Variants in CNTNAP3 observed in about 807,000 individuals in gnomAD.
CNTNAP3 encodes the protein contactin associated protein family member 3.
In CNTNAP3, 36 loss-of-function variants were observed where a neutral mutation model predicts 92.1. The ratio of observed to expected loss-of-function variants is 0.39; its 90% CI spans 0.30 to 0.52. The LOEUF (loss-of-function observed/expected upper bound fraction) is 0.52. CNTNAP3 is among the 20% of genes least tolerant of loss of function. CNTNAP3 has a pLI of 0.76. For synonymous variants in CNTNAP3, 232 were observed against 422.3 expected (o/e 0.55, Z 5.53); for missense variants, 534 against 1,069.6 (o/e 0.50, Z 6.98).
chr9:39,083,983 TA>T, intron 21 of CNTNAP3, among the ~76,000 whole-genome samples: 1 of 151,506 alleles, frequency 6.6e-6, no homozygotes, highest in Non-Finnish European at 1.5e-5. Flanking sequence ...GCATCTTAAT[TA>T]TGATGGATTT....
intron 14 of CNTNAP3, among the ~76,000 whole-genome samples, chr9:39,113,598 A>G (rs555247206): frequency 6.6e-6 from 1 of 152,076 alleles, no homozygotes; most frequent in East Asian, 1.9e-4. Flanking sequence ...CAAACTTTTT[A>G]TCACTTACAT....
intron 13 of CNTNAP3, among the ~76,000 whole-genome samples, chr9:39,131,418 C>T (rs1367851253): frequency 6.6e-6 from 1 of 152,132 alleles, no homozygotes; most frequent in Non-Finnish European, 1.5e-5. Flanking sequence ...TGCAACCAGA[C>T]CTTTGCTCTT....
At chr9:39,074,977 C>G (rs1039460789) in intron 23 of CNTNAP3, among the ~76,000 whole-genome samples, 1 of 152,284 alleles carries the variant, frequency 6.6e-6, no homozygotes, top group Admixed American at 6.5e-5. Context: ...ACCGTGTTAG[C>G]TAGGATGGTC....
chr9:39,086,319 T>C, intron 20 of CNTNAP3: 1 of 237,042 alleles, frequency 4.2e-6, no homozygotes, highest in Non-Finnish European at 8.1e-6. Context: ...ACCGTGTTTT[T>C]AAGTTGCTAA....
At chr9:39,115,551 C>T (rs1205805924) in intron 14 of CNTNAP3, among the ~76,000 whole-genome samples, 1 of 127,866 alleles carries the variant, frequency 7.8e-6, no homozygotes, top group Non-Finnish European at 1.6e-5. Context: ...TTTCAGAATG[C>T]TTGTGGTCTT....
In CNTNAP3 at chr9:39,132,724, C is replaced by T. The variant is rs533896274; in HGVS notation, c.2080+208G>A. ...ACAAGTCACTAGTCCTGCATATGAA[C>T]GCGCTGAACGTCTCTCAACGGTCAG... On this transcript the variant is annotated intron_variant, in intron 13 of 23. Transcript: ENST00000297668. 3.8e-3 allele frequency among the ~76,000 whole-genome samples: 585 copies of T among 152,266 alleles called. 3 individuals carry two copies. Among genetic ancestry groups the T allele is most frequent in the African/African-American group, 0.014 (561 of 41,544 alleles).
In CNTNAP3 at chr9:39,067,445, T is replaced by A. The variant is rs1375198591; in HGVS notation, c.*6445A>T. On this transcript the variant is annotated 3_prime_UTR_variant, in exon 24 of 24. Transcript: ENST00000297668. The stretch of plus-strand genomic sequence containing the variant: ...TGGAGTCTGGCTCTGTTGCCCAGGC[T>A]GGAGTGCAATGGCGCAATCTCGGCC... 6.6e-6 allele frequency among the ~76,000 whole-genome samples: 1 copy of A among 152,308 alleles called. No homozygotes were observed. Among genetic ancestry groups the A allele is most frequent in the Non-Finnish European group, 1.5e-5 (1 of 68,054 alleles).
Position 39,068,243 on chromosome 9 carries a change from C to CAAAAAAAAAAA in CNTNAP3, c.*5636_*5646dup, listed in dbSNP as rs1198106886. Among the ~76,000 whole-genome samples, 122 of 129,302 alleles carry CAAAAAAAAAAA rather than the reference C, an allele frequency of 9.4e-4. No homozygotes were observed. Among genetic ancestry groups the CAAAAAAAAAAA allele is most frequent in the East Asian group, 2.5e-3 (11 of 4,382 alleles). 84.8% of individuals were successfully genotyped at this position (129,302 alleles called of 152,430 possible). A position where few individuals can be genotyped will look rare whatever the true frequency, so the allele number is the denominator to read the frequency against. ...TGAAACCTTGCCTCCACTAAAAATA[C>CAAAAAAAAAAA]AAAAAAAAAAAAAAAAAAAAAAATT... On this transcript the variant is annotated 3_prime_UTR_variant, in exon 24 of 24. Transcript: ENST00000297668.
intron 10 of CNTNAP3, among the ~76,000 whole-genome samples, chr9:39,146,962 G>A (rs923713898): frequency 2.0e-5 from 3 of 152,130 alleles, no homozygotes; most frequent in African/African-American, 7.2e-5. Context: ...TTCCCACCGT[G>A]TCATGGGAGG....
chr9:39,090,635 G>A (rs1432848947), intron 18 of CNTNAP3, among the ~76,000 whole-genome samples: 28 of 151,490 alleles, frequency 1.8e-4, no homozygotes, highest in African/African-American at 6.4e-4. Context: ...AAATTGGGCA[G>A]TGTGAATCTA....
intron 10 of CNTNAP3, among the ~76,000 whole-genome samples, chr9:39,149,532 A>G (rs7048692): frequency 0.013 from 1,807 of 134,506 alleles, 33 homozygotes; most frequent in African/African-American, 0.047. Context: ...TTTTTTTTGT[A>G]TTTTTAGTAG....
chr9:39,091,450 G>A, intron 18 of CNTNAP3, among the ~76,000 whole-genome samples: 1 of 152,086 alleles, frequency 6.6e-6, no homozygotes, highest in East Asian at 1.9e-4. Flanking sequence ...CATCAGTAGA[G>A]ACTATCATGT....
intron 14 of CNTNAP3, chr9:39,117,831 T>C (rs901635414): frequency 6.2e-6 from 3 of 481,896 alleles, no homozygotes; most frequent in African/African-American, 6.0e-5. Context: ...AGAATGATAT[T>C]TGATTTCCAG....
chr9:39,113,801 A>T (rs1820774025), intron 14 of CNTNAP3, among the ~76,000 whole-genome samples: 1 of 151,264 alleles, frequency 6.6e-6, no homozygotes, highest in African/African-American at 2.4e-5. Context: ...TAAAGAAATA[A>T]TTTTTCCTTA....
chr9:39,116,875 T>C (rs1187038264), intron 14 of CNTNAP3, among the ~76,000 whole-genome samples: 3 of 152,184 alleles, frequency 2.0e-5, no homozygotes, highest in South Asian at 2.1e-4. Context: ...TGGACTACCA[T>C]GCAGGCCAAA....
In CNTNAP3 at chr9:39,120,169, GAAACA is replaced by G. The variant is rs1254764235; in HGVS notation, c.2081-1915_2081-1911del. 3.9e-5 allele frequency among the ~76,000 whole-genome samples: 6 copies of G among 151,982 alleles called. No individual in the cohort carries two copies. In the East Asian group the frequency reaches 1.2e-3, roughly 29 times the overall value. On this transcript the variant is annotated intron_variant, in intron 13 of 23. Transcript: ENST00000297668. ...AGATCCATCATAATTGAACTTTTTG[GAAACA>G]AAACAAAACAGAAATCTTGAAAGCA... is the stretch of plus-strand genomic sequence containing the variant.
chr9:39,089,758 T>C (rs1388470147), intron 18 of CNTNAP3, among the ~76,000 whole-genome samples: 2 of 152,160 alleles, frequency 1.3e-5, no homozygotes, highest in Non-Finnish European at 2.9e-5. Context: ...CAGCTATACC[T>C]GTCTGTGTGA....
Position 39,086,750 on chromosome 9 carries a change from T to C in CNTNAP3, c.3320A>G (p.Lys1107Arg), listed in dbSNP as rs1449760749. Residue 1107 changes from lysine to arginine, a missense_variant, in exon 20 of 24, where the codon AAG (lysine) becomes AGG (arginine). Transcript: ENST00000297668. ...GACCACAGCTTCTTCTCTGTTAATC[T>C]TCACTTGGTGAAGTTGCCCATCAGC... ...NMADGQLHQV[K>R]INREEAVVMV... 1 of 1,611,066 alleles carries C rather than the reference T, an allele frequency of 6.2e-7. No homozygotes were observed. Among genetic ancestry groups the C allele is most frequent in the Admixed American group, 1.7e-5 (1 of 59,914 alleles).
At position 39,071,079 on chromosome 9, in the gene CNTNAP3, G is replaced by T. The variant is rs1440610708; in HGVS notation, c.*2811C>A. Among the ~76,000 whole-genome samples the T allele has an allele frequency of 6.6e-6, 1 of 152,172 alleles. No individual in the cohort carries two copies. Among genetic ancestry groups the T allele is most frequent in the African/African-American group, 2.4e-5 (1 of 41,456 alleles). Reference sequence around the variant, plus strand: ...GATTAGCTCTTACAACCTTATCTTTGTCTCATCTATAAAACTGAGGGAGCA... The same window carrying T: ...GATTAGCTCTTACAACCTTATCTTTTTCTCATCTATAAAACTGAGGGAGCA... On this transcript the variant is annotated 3_prime_UTR_variant, in exon 24 of 24. Transcript: ENST00000297668.
Sources: gnomAD v4.1 joint callset for allele counts (sites outside exome capture counted in the v4.1 genomes callset) on GRCh38, gnomAD v4.1.1 for gene constraint, MANE v1.5 for transcripts, NCBI Gene and HGNC (gene_info 2026-07-23, HGNC 2026-07-21) for gene names.